IMMP2L: variants seen among roughly 807,000 people sequenced by gnomAD.
The protein encoded by IMMP2L is mitochondrial inner membrane protease subunit 2.
In IMMP2L, 18 loss-of-function variants were observed where a neutral mutation model predicts 19.3. That is an observed-to-expected ratio of 0.93 (90% CI 0.64 to 1.38). The LOEUF is 1.38. Ranked by LOEUF, IMMP2L falls within the 40% of genes most tolerant of loss-of-function variation. The pLI is 0.00. For missense variants in IMMP2L, 233 were observed against 218.2 expected (o/e 1.07, Z -0.43); for synonymous variants, 76 against 73.0 (o/e 1.04, Z -0.21).
At chr7:111,381,371 G>A (rs573790107) in intron 3 of IMMP2L, among the ~76,000 whole-genome samples, 9 of 152,056 alleles carry the variant, frequency 5.9e-5, no homozygotes, top group South Asian at 2.1e-4. Context: ...CCCTAGCCAC[G>A]TGTCTACTGA....
chr7:110,836,932 C>T (rs186305366), intron 5 of IMMP2L, among the ~76,000 whole-genome samples: 26 of 152,188 alleles, frequency 1.7e-4, no homozygotes, highest in Middle Eastern at 3.4e-3. Context: ...ATTACCACAA[C>T]CTTTCTGAAA....
At chr7:111,342,343 C>T (rs907552307) in intron 3 of IMMP2L, among the ~76,000 whole-genome samples, 1 of 152,106 alleles carries the variant, frequency 6.6e-6, no homozygotes. Context: ...CCTGTAATCC[C>T]AGCACCTTGG....
At chr7:110,871,110 G>A (rs7810802) in intron 5 of IMMP2L, among the ~76,000 whole-genome samples, 1 of 151,980 alleles carries the variant, frequency 6.6e-6, no homozygotes, top group Non-Finnish European at 1.5e-5. Context: ...CAAGGATGCC[G>A]CCTAACTTTT....
intron 3 of IMMP2L, among the ~76,000 whole-genome samples, chr7:111,381,078 C>T (rs1831154515): frequency 6.6e-6 from 1 of 151,916 alleles, no homozygotes; most frequent in Non-Finnish European, 1.5e-5. Flanking sequence ...TCAACAAGTG[C>T]TGAAACACCA....
intron 2 of IMMP2L, among the ~76,000 whole-genome samples, chr7:111,516,021 G>A (rs1203294840): frequency 6.6e-6 from 1 of 152,128 alleles, no homozygotes; most frequent in Non-Finnish European, 1.5e-5. Flanking sequence ...AGCACTGTCA[G>A]AGTTGGTTCA....
chr7:111,064,437 C>A (rs137888064), intron 3 of IMMP2L, among the ~76,000 whole-genome samples: 3,216 of 152,140 alleles, frequency 0.021, 62 homozygotes, highest in South Asian at 0.075. Context: ...CTTTGCAGGG[C>A]TGGGGAAAAG....
At chr7:111,276,070 T>A (rs1584404829) in intron 3 of IMMP2L, among the ~76,000 whole-genome samples, 1 of 152,104 alleles carries the variant, frequency 6.6e-6, no homozygotes, top group African/African-American at 2.4e-5. Context: ...AAGTATAATG[T>A]CAGCTGTGGG....
chr7:111,444,872 T>C (rs937547248), intron 3 of IMMP2L, among the ~76,000 whole-genome samples: 1 of 152,158 alleles, frequency 6.6e-6, no homozygotes, highest in Non-Finnish European at 1.5e-5. Flanking sequence ...TGTCCCTTCC[T>C]ACTGTCCTTC....
chr7:111,208,928 C>A (rs1811008342), intron 3 of IMMP2L, among the ~76,000 whole-genome samples: 1 of 152,060 alleles, frequency 6.6e-6, no homozygotes, highest in South Asian at 2.1e-4. Flanking sequence ...ATCTAATTAT[C>A]CTTTGAGGTA....
At chr7:111,433,743 A>G (rs936438468) in intron 3 of IMMP2L, among the ~76,000 whole-genome samples, 3 of 151,778 alleles carry the variant, frequency 2.0e-5, no homozygotes, top group South Asian at 2.1e-4. Flanking sequence ...GAACAAAACC[A>G]TATCATCTCT....
chr7:111,251,755 G>A (rs1816153327), intron 3 of IMMP2L, among the ~76,000 whole-genome samples: 1 of 152,032 alleles, frequency 6.6e-6, no homozygotes, highest in South Asian at 2.1e-4. Context: ...GAGGATGGGG[G>A]AGGGAGAGTA....
intron 3 of IMMP2L, among the ~76,000 whole-genome samples, chr7:111,085,975 G>C (rs1256528410): frequency 6.6e-6 from 1 of 152,160 alleles, no homozygotes; most frequent in East Asian, 1.9e-4. Flanking sequence ...GGAGGGTTAA[G>C]AGTGGGAGGA....
chr7:111,310,914 T>G (rs1191947624), intron 3 of IMMP2L, among the ~76,000 whole-genome samples: 2 of 152,200 alleles, frequency 1.3e-5, no homozygotes, highest in Non-Finnish European at 2.9e-5. Context: ...CAGAGCATTA[T>G]GGTTTCTAAC....
In IMMP2L at chr7:110,912,397, G is replaced by A. The variant is rs572465267; in HGVS notation, c.306-25702C>T. On this transcript the variant is annotated intron_variant, in intron 4 of 5. Coordinates refer to ENST00000405709, the MANE Select transcript of IMMP2L (RefSeq NM_032549.4). ...TTATAATACATTCAAGCTGTGGGAT[G>A]CTGGGCAGAGATAATAAATAATTAG... Among the ~76,000 whole-genome samples, 30 of 152,164 alleles carry A rather than the reference G, an allele frequency of 2.0e-4. 1 individual carries two copies. Among genetic ancestry groups the A allele is most frequent in the African/African-American group, 6.7e-4 (28 of 41,542 alleles).
intron 5 of IMMP2L, among the ~76,000 whole-genome samples, chr7:110,836,609 A>T (rs1400338634): frequency 6.6e-6 from 1 of 152,092 alleles, no homozygotes; most frequent in African/African-American, 2.4e-5. Flanking sequence ...GTAAATTGCC[A>T]GTCTTGGGTA....
chr7:111,411,464 G>A lies in IMMP2L; in HGVS notation c.239+75774C>T, dbSNP rs61754951. On this transcript the variant is annotated intron_variant, in intron 3 of 5. Transcript: ENST00000405709. ...CTTGGAGCTCTTCGTGTACCTGAAC[G>A]AAGTCACGGGCAAGCACGGCATGGG... 87 of 499,568 alleles carry A rather than the reference G, an allele frequency of 1.7e-4. 1 individual carries two copies. The highest frequency in any genetic ancestry group is 3.1e-4 in the Non-Finnish European group (77 of 250,636). The allele number at this position is 499,568 out of a possible 1,614,324, so 30.9% of individuals were successfully genotyped here. A position where few individuals can be genotyped will look rare whatever the true frequency, so the allele number is the denominator to read the frequency against.
At chr7:111,164,165 C>A (rs949910041) in intron 3 of IMMP2L, among the ~76,000 whole-genome samples, 1 of 150,038 alleles carries the variant, frequency 6.7e-6, no homozygotes, top group African/African-American at 2.5e-5. Flanking sequence ...GGAAGGAAGG[C>A]AGGAAGGCAG....
intron 5 of IMMP2L, among the ~76,000 whole-genome samples, chr7:110,882,295 T>TCCTC (rs1563050638): frequency 4.7e-5 from 4 of 85,510 alleles, no homozygotes; most frequent in Non-Finnish European, 9.6e-5. Context: ...GTGCCTTCCT[T>TCCTC]CCTTCCTTCC....
chr7:110,947,735 C>T (rs181953028), intron 4 of IMMP2L, among the ~76,000 whole-genome samples: 2 of 152,168 alleles, frequency 1.3e-5, no homozygotes, highest in African/African-American at 4.8e-5. Context: ...AAATTGAAAT[C>T]TAGGCTTCAG....
Sources: gnomAD v4.1 joint callset for allele counts (sites outside exome capture counted in the v4.1 genomes callset) on GRCh38, gnomAD v4.1.1 for gene constraint, MANE v1.5 for transcripts, NCBI Gene and HGNC (gene_info 2026-07-23, HGNC 2026-07-21) for gene names.